LCP1: variants seen among roughly 807,000 people sequenced by gnomAD.
LCP1 encodes lymphocyte cytosolic protein 1.
LCP1 carries 23 observed loss-of-function variants against 72.0 expected under a neutral mutation model. The ratio of observed to expected loss-of-function variants is 0.32; its 90% confidence interval spans 0.23 to 0.45. The LOEUF (loss-of-function observed/expected upper bound fraction) is 0.45, where lower values mean the gene tolerates loss of function less well. Among genes scored for constraint, LCP1 ranks in the 20% least tolerant of loss-of-function variants. The pLI is 1.00. For synonymous variants in LCP1, 245 were observed against 275.4 expected (o/e 0.89, Z 1.09); for missense variants, 571 against 748.3 (o/e 0.76, Z 2.76).
intron 13 of LCP1, among the ~76,000 whole-genome samples, chr13:46,138,324 T>C (rs1320070739): frequency 1.3e-5 from 2 of 152,254 alleles, no homozygotes; most frequent in Non-Finnish European, 2.9e-5. Flanking sequence ...GTAAATTTAA[T>C]AGATCTTTTA....
chr13:46,172,617 TGA>T (rs1212678936), intron 1 of LCP1, among the ~76,000 whole-genome samples: 3 of 152,076 alleles, frequency 2.0e-5, no homozygotes, highest in Non-Finnish European at 2.9e-5. Context: ...ACCTCCAGGA[TGA>T]GAGGTTGGTG....
rs200944094 is a variant in LCP1, at chr13:46,156,422, A to C, written c.491+16T>G. 1.9e-6 allele frequency: 3 copies of C among 1,607,638 alleles called. No individual in the cohort carries two copies. The East Asian group carries it at 6.7e-5, about 36-fold the overall frequency. ...ATGGGCAATTCTTTGGAAACCAAGAAAGAAGTATTATTTACCAAAGGACAA... is the reference window on the plus strand; with the variant it reads ...ATGGGCAATTCTTTGGAAACCAAGACAGAAGTATTATTTACCAAAGGACAA... On this transcript the variant is annotated intron_variant, in intron 5 of 15. Coordinates refer to ENST00000323076, the MANE Select transcript of LCP1 (RefSeq NM_002298.5).
At chr13:46,141,451 A>AAATTACCT (rs1247327310) in intron 13 of LCP1, among the ~76,000 whole-genome samples, 1 of 151,456 alleles carries the variant, frequency 6.6e-6, no homozygotes, top group Non-Finnish European at 1.5e-5. Context: ...CATCATAATA[A>AAATTACCT]AATTACCTAA....
At chr13:46,151,130 G>T (rs768086196) in intron 7 of LCP1, 52 bp from the exon 8 acceptor site, 1 of 1,567,402 alleles carries the variant, frequency 6.4e-7, no homozygotes, top group Admixed American at 2.0e-5. Context: ...GTTGGGGGAG[G>T]GGGGTTGGTT....
intron 1 of LCP1, among the ~76,000 whole-genome samples, chr13:46,171,959 T>C (rs1399547514): frequency 1.3e-5 from 2 of 152,254 alleles, no homozygotes; most frequent in African/African-American, 4.8e-5. Context: ...TTTTCGTACA[T>C]GTGGGTACCA....
At chr13:46,138,392 A>T (rs1161594162) in intron 13 of LCP1, among the ~76,000 whole-genome samples, 1 of 152,168 alleles carries the variant, frequency 6.6e-6, no homozygotes, top group Non-Finnish European at 1.5e-5. Context: ...ATTATCAGTC[A>T]TTACTTCTCC....
intron 14 of LCP1, among the ~76,000 whole-genome samples, chr13:46,131,529 A>T (rs145037474): frequency 6.6e-6 from 1 of 152,342 alleles, no homozygotes; most frequent in African/African-American, 2.4e-5. Context: ...AAAATAAATT[A>T]TTCTTCCAAA....
At chr13:46,149,000 A>T (rs561153904) in intron 8 of LCP1, among the ~76,000 whole-genome samples, 1 of 152,360 alleles carries the variant, frequency 6.6e-6, no homozygotes, top group East Asian at 1.9e-4. Flanking sequence ...AGAAGCTAGA[A>T]AAATGGTTCA....
At position 46,160,947 on chromosome 13, in the gene LCP1, C is replaced by CT. The variant is rs372152628; in HGVS notation, c.-24-1262dup. On this transcript the variant is annotated intron_variant, in intron 1 of 15. Transcript: ENST00000323076. ...TATATTTTCATATTATTCTATAGTG[C>CT]TGTATTTGTTCTTGATGGCCACCAA... 1.4e-3 allele frequency among the ~76,000 whole-genome samples: 206 copies of CT among 152,164 alleles called. 2 individuals carry two copies. The highest frequency in any genetic ancestry group is 4.7e-3 in the African/African-American group (197 of 41,502).
chr13:46,148,781 C>A (rs556277244), intron 8 of LCP1: 1 of 865,314 alleles, frequency 1.2e-6, no homozygotes, highest in Non-Finnish European at 1.4e-6. Flanking sequence ...TATATATATA[C>A]CTTTATATTG....
chr13:46,161,480 C>CACACATCACACACATCACACAAA (rs1298216993), intron 1 of LCP1, among the ~76,000 whole-genome samples: 12 of 152,106 alleles, frequency 7.9e-5, no homozygotes, highest in Non-Finnish European at 1.8e-4. Context: ...TACAATCTCA[C>CACACATCACACACATCACACAAA]TAACACATCA....
intron 1 of LCP1, chr13:46,168,458 C>T (rs560906101): frequency 6.6e-6 from 1 of 152,268 alleles, no homozygotes; most frequent in Non-Finnish European, 1.5e-5. Context: ...TGTTCCTGCT[C>T]TTACCTCAGC....
intron 1 of LCP1, among the ~76,000 whole-genome samples, chr13:46,181,676 C>T (rs2138295041): frequency 6.6e-6 from 1 of 152,228 alleles, no homozygotes; most frequent in Middle Eastern, 3.4e-3. Flanking sequence ...AACAGAACCG[C>T]AGGAACTAAA....
At chr13:46,170,399 G>A (rs1429002724) in intron 1 of LCP1, among the ~76,000 whole-genome samples, 1 of 152,326 alleles carries the variant, frequency 6.6e-6, no homozygotes, top group South Asian at 2.1e-4. Flanking sequence ...TGCAGATCCT[G>A]AGGCTGGGCT....
chr13:46,150,939 G>A lies in LCP1; in HGVS notation c.879C>T (p.Ile293=). The A allele has an allele frequency of 1.2e-6, 2 of 1,613,512 alleles. No individual in the cohort carries two copies. The highest frequency in any genetic ancestry group is 1.7e-6 in the Non-Finnish European group (2 of 1,179,712). The stretch of plus-strand genomic sequence containing the variant: ...GTTCAAACAACGCTCCTCCTACCTT[G>A]ATGTCAGTACTGAAGTTGCCAATTT... ...CNKIGNFSTD[I]KDSKAYYHLL... is the part of the protein sequence containing the mutation. The change falls in exon 8 of 16, where the codon ATC becomes ATT. Residue 293 remains isoleucine (I), a synonymous_variant. Coordinates refer to ENST00000323076, the MANE Select transcript of LCP1 (RefSeq NM_002298.5).
At chr13:46,133,821 C>T (rs140403994) in intron 14 of LCP1, among the ~76,000 whole-genome samples, 1 of 152,088 alleles carries the variant, frequency 6.6e-6, no homozygotes, top group African/African-American at 2.4e-5. Flanking sequence ...ATTTGTACCC[C>T]AAACCTCAGC....
intron 7 of LCP1, among the ~76,000 whole-genome samples, chr13:46,151,883 G>A (rs1330664589): frequency 6.6e-6 from 1 of 152,202 alleles, no homozygotes; most frequent in Non-Finnish European, 1.5e-5. Flanking sequence ...ATCAAGGTGG[G>A]CTACCTCTGT....
At chr13:46,151,870 C>T (rs1286442262) in intron 7 of LCP1, among the ~76,000 whole-genome samples, 1 of 152,200 alleles carries the variant, frequency 6.6e-6, no homozygotes, top group African/African-American at 2.4e-5. Context: ...TTGCATGATA[C>T]TTATCAAGGT....
In LCP1 at chr13:46,178,224, G is replaced by GT. The variant is rs1307123602; in HGVS notation, c.-25+3886dup. ...CACTTAGAAAAACACCTGATTCAAT[G>GT]TAAGTATTAACGTTATTATTAGGAT... On this transcript the variant is annotated intron_variant, in intron 1 of 15. Transcript: ENST00000323076. Among the ~76,000 whole-genome samples the GT allele has an allele frequency of 9.9e-5, 15 of 152,226 alleles. No homozygotes were observed. In the South Asian group the frequency reaches 3.1e-3, roughly 32 times the overall value.
Sources: allele counts gnomAD v4.1 joint callset (sites outside exome capture counted in the v4.1 genomes callset), GRCh38; gene constraint gnomAD v4.1.1; transcripts MANE v1.5; gene names NCBI Gene and HGNC (gene_info 2026-07-23, HGNC 2026-07-21).